Variants in ROR1 observed in about 807,000 individuals in gnomAD.
The protein encoded by ROR1 is ROR family WNT receptor 1.
Under a neutral mutation model 78.8 loss-of-function variants are expected in ROR1, and 19 were observed. The ratio of observed to expected loss-of-function variants is 0.24; its 90% CI spans 0.17 to 0.35. The LOEUF (loss-of-function observed/expected upper bound fraction) is 0.35. ROR1 is among the 10% of genes least tolerant of loss of function. ROR1 has a pLI of 1.00. For synonymous variants in ROR1, 386 were observed against 433.6 expected, an observed-to-expected ratio of 0.89 and a Z score of 1.36; for missense variants, 917 against 1,177.8, an observed-to-expected ratio of 0.78 and a Z score of 3.24.
intron 1 of ROR1, among the ~76,000 whole-genome samples, chr1:63,802,700 A>G (rs1644804165): frequency 6.6e-6 from 1 of 152,222 alleles, no homozygotes; most frequent in African/African-American, 2.4e-5. Flanking sequence ...ATTTTCTTAT[A>G]GCATTATGTT....
chr1:64,086,364 A>G lies in ROR1; in HGVS notation c.482+35648A>G, dbSNP rs368262321. Among the ~76,000 whole-genome samples, 24 of 152,296 alleles carry G rather than the reference A, an allele frequency of 1.6e-4. No individual in the cohort carries two copies. The East Asian group carries it at 1.7e-3, about 11-fold the overall frequency. Reference sequence around the variant, plus strand: ...TTTCAACTAGTTATTCAAATAATTCATTTGTTCATCCATTTACTCAATAGA... The same window carrying G: ...TTTCAACTAGTTATTCAAATAATTCGTTTGTTCATCCATTTACTCAATAGA... On this transcript the variant is annotated intron_variant, in intron 4 of 8. Transcript: ENST00000371079.
intron 8 of ROR1, among the ~76,000 whole-genome samples, chr1:64,172,947 CTAA>C (rs971003745): frequency 1.3e-5 from 2 of 152,178 alleles, no homozygotes; most frequent in African/African-American, 4.8e-5. Context: ...AACAATACAG[CTAA>C]TTTCCTGCCA....
intron 1 of ROR1, among the ~76,000 whole-genome samples, chr1:63,850,050 T>C (rs764585892): frequency 1.2e-4 from 19 of 152,248 alleles, no homozygotes; most frequent in Non-Finnish European, 2.2e-4. Context: ...TTTTTATATT[T>C]TTGCTCTCTG....
chr1:63,811,960 G>GTTTTT (rs568040372), intron 1 of ROR1, among the ~76,000 whole-genome samples: 1 of 124,058 alleles, frequency 8.1e-6, no homozygotes, highest in African/African-American at 3.2e-5. Context: ...AACCAGAGGT[G>GTTTTT]TTTTTTTTTT....
chr1:64,140,340 A>C lies in ROR1; in HGVS notation c.842A>C (p.Asn281Thr), dbSNP rs749248635. The C allele has an allele frequency of 2.5e-6, 4 of 1,614,142 alleles. No homozygotes were observed. The Admixed American group carries it at 6.7e-5, about 27-fold the overall frequency. The change falls in exon 6 of 9, where the codon AAC becomes ACC. Residue 281 changes from asparagine (N) to threonine (T), a missense_variant. Coordinates refer to ENST00000371079, the MANE Select transcript of ROR1 (RefSeq NM_005012.4). ...PMILMRLKLP[N>T]CEDLPQPESP... is the part of the protein sequence containing the mutation. The stretch of plus-strand genomic sequence containing the variant: ...ATTCTGATGAGGCTGAAACTGCCAA[A>C]CTGTGAAGATCTCCCCCAGCCAGAG...
At chr1:63,806,521 G>A (rs553575811) in intron 1 of ROR1, among the ~76,000 whole-genome samples, 62 of 152,212 alleles carry the variant, frequency 4.1e-4, no homozygotes, top group East Asian at 2.1e-3. Flanking sequence ...GTTTCACTGC[G>A]TTAGCCAGGA....
intron 1 of ROR1, among the ~76,000 whole-genome samples, chr1:63,963,744 G>A (rs992701598): frequency 6.6e-6 from 1 of 152,062 alleles, no homozygotes; most frequent in Non-Finnish European, 1.5e-5. Context: ...GATCCAAGTA[G>A]AAGTGTTTTC....
At chr1:64,040,593 G>A (rs77248116) in intron 2 of ROR1, among the ~76,000 whole-genome samples, 2,327 of 152,276 alleles carry the variant, frequency 0.015, 35 homozygotes, top group Non-Finnish European at 0.025. Flanking sequence ...CTGGAGGCTG[G>A]AAGTTCAAGA....
At chr1:63,959,948 C>T (rs962145921) in intron 1 of ROR1, among the ~76,000 whole-genome samples, 1 of 152,198 alleles carries the variant, frequency 6.6e-6, no homozygotes, top group Non-Finnish European at 1.5e-5. Context: ...TTTTAAATGA[C>T]CCATTTTGAG....
chr1:64,023,885 G>A (rs931466470), intron 2 of ROR1, among the ~76,000 whole-genome samples: 7 of 152,108 alleles, frequency 4.6e-5, no homozygotes, highest in Admixed American at 2.0e-4. Context: ...TAATCCCCAC[G>A]TGTCAAGGGA....
chr1:63,957,310 C>A (rs1472805741), intron 1 of ROR1, among the ~76,000 whole-genome samples: 3 of 152,156 alleles, frequency 2.0e-5, no homozygotes, highest in Non-Finnish European at 4.4e-5. Flanking sequence ...GTCCCTCTGT[C>A]CCCCGAGGAA....
intron 4 of ROR1, chr1:64,105,957 T>C (rs1647786563): frequency 8.1e-6 from 1 of 123,050 alleles, no homozygotes; most frequent in East Asian, 3.2e-4. Flanking sequence ...TTTGATTCCA[T>C]ATGAAATTTA....
intron 1 of ROR1, among the ~76,000 whole-genome samples, chr1:63,786,429 C>T (rs1003205678): frequency 4.0e-5 from 6 of 151,700 alleles, no homozygotes; most frequent in East Asian, 3.9e-4. Flanking sequence ...CCCGCCACCA[C>T]GGCCAGCTAA....
At chr1:63,930,906 C>T (rs2100443863) in intron 1 of ROR1, among the ~76,000 whole-genome samples, 2 of 152,280 alleles carry the variant, frequency 1.3e-5, no homozygotes, top group South Asian at 4.1e-4. Context: ...TGTTAACTAT[C>T]CATCCTCAGA....
At chr1:64,108,761 A>T (rs1647947605) in intron 4 of ROR1, among the ~76,000 whole-genome samples, 1 of 152,206 alleles carries the variant, frequency 6.6e-6, no homozygotes, top group Admixed American at 6.6e-5. Context: ...TCTCAAAGGG[A>T]CATTCTGTAT....
chr1:64,130,943 C>A (rs1163602856), intron 4 of ROR1, among the ~76,000 whole-genome samples: 2 of 152,276 alleles, frequency 1.3e-5, no homozygotes, highest in African/African-American at 4.8e-5. Flanking sequence ...TGTGGCCATG[C>A]TTTTAACCAG....
chr1:64,132,760 CAAAAAAAAAA>C lies in ROR1; in HGVS notation c.483-4594_483-4585del, dbSNP rs749607703. 2.3e-4 allele frequency among the ~76,000 whole-genome samples: 16 copies of C among 70,456 alleles called. 1 individual carries two copies. Among genetic ancestry groups the C allele is most frequent in the Middle Eastern group, 8.9e-3 (1 of 112 alleles). The allele number at this position is 70,456 out of a possible 152,430, so 46.2% of individuals were successfully genotyped here. A position where few individuals can be genotyped will look rare whatever the true frequency, so the allele number is the denominator to read the frequency against. ...GCGCAATGGGAGCGAGACTCCATCT[CAAAAAAAAAA>C]AAAAAAAAAAAAAAGAGAGAGAGAT... On this transcript the variant is annotated intron_variant, in intron 4 of 8. Transcript: ENST00000371079.
At chr1:63,958,953 A>G (rs148235297) in intron 1 of ROR1, among the ~76,000 whole-genome samples, 1 of 152,270 alleles carries the variant, frequency 6.6e-6, no homozygotes, top group Non-Finnish European at 1.5e-5. Context: ...CCTGAATAAA[A>G]CTAGAGATCT....
chr1:63,923,237 A>G (rs934946714), intron 1 of ROR1, among the ~76,000 whole-genome samples: 1 of 152,192 alleles, frequency 6.6e-6, no homozygotes, highest in Non-Finnish European at 1.5e-5. Context: ...ACTTTCTGCA[A>G]ACTTCCTTGT....
Sources: allele counts gnomAD v4.1 joint callset (sites outside exome capture counted in the v4.1 genomes callset), GRCh38; gene constraint gnomAD v4.1.1; transcripts MANE v1.5; gene names NCBI Gene and HGNC (gene_info 2026-07-23, HGNC 2026-07-21).